OXR1: variants seen among roughly 807,000 people sequenced by gnomAD.
OXR1 encodes oxidation resistance 1, also known as oxidation resistance protein 1.
Under a neutral mutation model 104.6 loss-of-function variants are expected in OXR1, and 41 were observed. That is an observed-to-expected ratio of 0.39 (90% CI 0.31 to 0.51). The LOEUF is 0.51. Among genes scored for constraint, OXR1 ranks in the 20% least tolerant of loss-of-function variants. OXR1 has a pLI of 0.77. For missense variants in OXR1, 955 were observed against 1,031.9 expected, an observed-to-expected ratio of 0.93 and a Z score of 1.02; for synonymous variants, 348 against 348.4, an observed-to-expected ratio of 1.00 and a Z score of 0.01.
intron 1 of OXR1, among the ~76,000 whole-genome samples, chr8:106,349,060 C>T (rs1218874008): frequency 6.6e-6 from 1 of 152,120 alleles, no homozygotes; most frequent in Admixed American, 6.5e-5. Context: ...GATGTGCAAA[C>T]TGTGTACCAG....
At chr8:106,700,425 G>A (rs528538371) in intron 7 of OXR1, among the ~76,000 whole-genome samples, 7 of 152,240 alleles carry the variant, frequency 4.6e-5, no homozygotes, top group African/African-American at 1.7e-4. Flanking sequence ...ACAGATTACC[G>A]CAGAAAGCCC....
Position 106,739,075 on chromosome 8 carries a change from TACACACACACACACACAC to T in OXR1, c.2038-355_2038-338del, listed in dbSNP as rs71307086. ...TGAAAGAATTCTATTTTAAATAGCA[TACACACACACACACACAC>T]ACACACACACACACACACACACACA... On this transcript the variant is annotated intron_variant, in intron 12 of 16. Coordinates refer to ENST00000517566, the MANE Select transcript of OXR1 (RefSeq NM_001198533.2). Among the ~76,000 whole-genome samples, 369 of 141,626 alleles carry T rather than the reference TACACACACACACACACAC, an allele frequency of 2.6e-3. 3 individuals carry two copies. The highest frequency in any genetic ancestry group is 8.6e-3 in the African/African-American group (329 of 38,350). The allele number at this position is 141,626 out of a possible 152,430, so 92.9% of individuals were successfully genotyped here. A position where few individuals can be genotyped will look rare whatever the true frequency, so the allele number is the denominator to read the frequency against.
chr8:106,577,731 A>T (rs1239370390), intron 3 of OXR1, among the ~76,000 whole-genome samples: 1 of 152,022 alleles, frequency 6.6e-6, no homozygotes. Flanking sequence ...GCTGGGGCTG[A>T]GTTCCTGCAA....
intron 11 of OXR1, among the ~76,000 whole-genome samples, chr8:106,736,165 A>ACCCCCCCCCCCCCC (rs5893803): frequency 8.9e-5 from 13 of 145,604 alleles, no homozygotes; most frequent in Non-Finnish European, 1.8e-4. Context: ...TTTATCTGAC[A>ACCCCCCCCCCCCCC]CCCCCCCCCA....
chr8:106,424,699 G>T (rs1195536115), intron 2 of OXR1, among the ~76,000 whole-genome samples: 2 of 152,070 alleles, frequency 1.3e-5, no homozygotes, highest in East Asian at 3.8e-4. Context: ...AGTGAATTTT[G>T]TCAATTTGTC....
chr8:106,479,579 C>A (rs1280099084), intron 2 of OXR1, among the ~76,000 whole-genome samples: 1 of 151,974 alleles, frequency 6.6e-6, no homozygotes, highest in Admixed American at 6.6e-5. Context: ...GCCTGCCTGA[C>A]CATCCACAGC....
intron 2 of OXR1, among the ~76,000 whole-genome samples, chr8:106,513,400 C>T (rs1334525552): frequency 6.9e-6 from 1 of 144,336 alleles, no homozygotes; most frequent in Non-Finnish European, 1.5e-5. Context: ...GTCAAACCTG[C>T]GTGGATTTAT....
At chr8:106,597,919 C>A (rs1390573319) in intron 3 of OXR1, among the ~76,000 whole-genome samples, 1 of 152,208 alleles carries the variant, frequency 6.6e-6, no homozygotes, top group Non-Finnish European at 1.5e-5. Context: ...CTCTCCCTTT[C>A]TTGCCTTTGG....
chr8:106,403,935 G>A (rs1423819551), intron 2 of OXR1, among the ~76,000 whole-genome samples: 1 of 152,156 alleles, frequency 6.6e-6, no homozygotes, highest in African/African-American at 2.4e-5. Context: ...CTTAAATCTT[G>A]TTATAGATCT....
At chr8:106,507,068 C>CA (rs1375101817) in intron 2 of OXR1, among the ~76,000 whole-genome samples, 6 of 151,762 alleles carry the variant, frequency 4.0e-5, no homozygotes, top group African/African-American at 1.2e-4. Context: ...CTAGGAGACA[C>CA]AGTGAGAGCC....
At chr8:106,596,124 T>G (rs1228324828) in intron 3 of OXR1, among the ~76,000 whole-genome samples, 1 of 152,106 alleles carries the variant, frequency 6.6e-6, no homozygotes, top group Admixed American at 6.6e-5. Flanking sequence ...AAGATCAGTC[T>G]AGGCACACAA....
chr8:106,459,579 T>C (rs1820797703), intron 2 of OXR1, among the ~76,000 whole-genome samples: 2 of 152,332 alleles, frequency 1.3e-5, no homozygotes, highest in South Asian at 4.1e-4. Context: ...ATCTAGCTTC[T>C]AGCACAGGTT....
intron 2 of OXR1, among the ~76,000 whole-genome samples, chr8:106,454,191 G>A (rs1820475746): frequency 6.6e-6 from 1 of 151,466 alleles, no homozygotes; most frequent in African/African-American, 2.4e-5. Flanking sequence ...TTCATCAGGA[G>A]TATTAGAGTT....
intron 1 of OXR1, among the ~76,000 whole-genome samples, chr8:106,347,154 A>C (rs1465291111): frequency 6.6e-6 from 1 of 152,258 alleles, no homozygotes; most frequent in Admixed American, 6.5e-5. Context: ...ATTCTTCTCT[A>C]GGCTCAATGA....
intron 3 of OXR1, among the ~76,000 whole-genome samples, chr8:106,633,608 G>T (rs1245517051): frequency 6.6e-6 from 1 of 152,200 alleles, no homozygotes; most frequent in Admixed American, 6.5e-5. Flanking sequence ...TTTTGGCCCT[G>T]ATCATCTGAG....
chr8:106,380,241 G>GT (rs544566286), intron 2 of OXR1, among the ~76,000 whole-genome samples: 9 of 147,886 alleles, frequency 6.1e-5, no homozygotes, highest in East Asian at 1.9e-4. Context: ...TTCTCTTTCT[G>GT]TTTTTTCCCC....
At chr8:106,289,459 G>T (rs1460565819) in intron 1 of OXR1, among the ~76,000 whole-genome samples, 4 of 152,132 alleles carry the variant, frequency 2.6e-5, no homozygotes, top group African/African-American at 9.7e-5. Context: ...TAACCAAGGA[G>T]GTGGAAGACT....
chr8:106,588,381 A>G (rs1818815958), intron 3 of OXR1, among the ~76,000 whole-genome samples: 1 of 152,146 alleles, frequency 6.6e-6, no homozygotes, highest in Non-Finnish European at 1.5e-5. Context: ...ATATTGGGTT[A>G]ACTGAGCACT....
intron 1 of OXR1, among the ~76,000 whole-genome samples, chr8:106,288,559 GTA>G (rs940323526): frequency 1.4e-5 from 2 of 145,700 alleles, no homozygotes; most frequent in African/African-American, 5.1e-5. Context: ...TATATAGTGT[GTA>G]TATATATGGT....
Sources: gnomAD v4.1 joint callset for allele counts (sites outside exome capture counted in the v4.1 genomes callset) on GRCh38, gnomAD v4.1.1 for gene constraint, MANE v1.5 for transcripts, NCBI Gene and HGNC (gene_info 2026-07-23, HGNC 2026-07-21) for gene names.